AGBL1: variants seen among roughly 807,000 people sequenced by gnomAD.
AGBL1 encodes the protein cytosolic carboxypeptidase 4.
Under a neutral mutation model 118.9 loss-of-function variants are expected in AGBL1, and 130 were observed. The ratio of observed to expected loss-of-function variants is 1.09; its 90% CI spans 0.95 to 1.26. The LOEUF is 1.26. Ranked by LOEUF, AGBL1 falls within the 50% of genes most tolerant of loss-of-function variation. The pLI, the probability that AGBL1 is intolerant of heterozygous loss-of-function variation, is 0.00. For synonymous variants in AGBL1, 555 were observed against 478.9 expected (o/e 1.16, Z -2.08); for missense variants, 1,584 against 1,298.1 (o/e 1.22, Z -3.38).
In AGBL1 at chr15:86,319,743, GTTTTTTTTTTTTTTTTTTT is replaced by G. The variant is rs139831044; in HGVS notation, c.2374+24353_2374+24371del. Among the ~76,000 whole-genome samples the G allele has an allele frequency of 1.3e-3, 61 of 47,254 alleles. 1 individual carries two copies. The Admixed American group carries it at 0.016, about 12-fold the overall frequency. The allele number at this position is 47,254 out of a possible 152,430, so 31.0% of individuals were successfully genotyped here. Reference sequence around the variant, plus strand: ...TGTACTTTGTTTTGCCTCTTTGGTAGTTTTTTTTTTTTTTTTTTTTTTTTTTTTTTTTTTTTGAGATGGA... The same window carrying G: ...TGTACTTTGTTTTGCCTCTTTGGTAGTTTTTTTTTTTTTTTTTGAGATGGA... On this transcript the variant is annotated intron_variant, in intron 17 of 22. Transcript: ENST00000614907.
intron 22 of AGBL1, among the ~76,000 whole-genome samples, chr15:86,747,987 T>C (rs1285830617): frequency 6.6e-6 from 1 of 152,202 alleles, no homozygotes; most frequent in African/African-American, 2.4e-5. Context: ...CGTTTGGGTA[T>C]ATACCCAGTA....
intron 1 of AGBL1, among the ~76,000 whole-genome samples, chr15:86,101,404 GT>G (rs55650191): frequency 0.86 from 128,635 of 149,874 alleles, 55,196 homozygotes; most frequent in Non-Finnish European, 0.9. Flanking sequence ...AAATCCAATG[GT>G]TTTTTTTTTT....
intron 24 of AGBL1, among the ~76,000 whole-genome samples, chr15:87,019,292 C>T (rs1402594201): frequency 6.6e-6 from 1 of 152,120 alleles, no homozygotes; most frequent in African/African-American, 2.4e-5. Flanking sequence ...CTATAGAACT[C>T]TCCACCCAAA....
intron 17 of AGBL1, among the ~76,000 whole-genome samples, chr15:86,319,757 T>G (rs922529547): frequency 1.3e-5 from 1 of 77,236 alleles, no homozygotes; most frequent in South Asian, 4.6e-4. Flanking sequence ...TTTTTTTTTT[T>G]TTTTTTTTTT....
intron 17 of AGBL1, among the ~76,000 whole-genome samples, chr15:86,298,448 C>A (rs796377820): frequency 1.3e-5 from 2 of 150,200 alleles, no homozygotes; most frequent in African/African-American, 4.9e-5. Context: ...AAACCCAGCC[C>A]AGTATAAACA....
chr15:86,091,675 T>A (rs1896036464), intron 1 of AGBL1, among the ~76,000 whole-genome samples: 1 of 152,172 alleles, frequency 6.6e-6, no homozygotes, highest in Non-Finnish European at 1.5e-5. Flanking sequence ...AGCCACTTGA[T>A]CAGGTTTAAG....
chr15:86,226,813 C>T (rs1320636403), intron 6 of AGBL1, among the ~76,000 whole-genome samples: 1 of 152,176 alleles, frequency 6.6e-6, no homozygotes, highest in Non-Finnish European at 1.5e-5. Context: ...TCTCTGACTA[C>T]CACAACTTGG....
intron 5 of AGBL1, among the ~76,000 whole-genome samples, chr15:86,199,860 A>C (rs2077875438): frequency 6.6e-6 from 1 of 152,210 alleles, no homozygotes; most frequent in African/African-American, 2.4e-5. Context: ...TGAAAGTGAC[A>C]AAAAGTCACC....
At chr15:86,782,417 G>T (rs2078348678) in intron 22 of AGBL1, among the ~76,000 whole-genome samples, 1 of 152,138 alleles carries the variant, frequency 6.6e-6, no homozygotes, top group African/African-American at 2.4e-5. Flanking sequence ...CTCTACAGGA[G>T]AGACAGTAGG....
rs574748306 is a variant in AGBL1, at chr15:86,407,478, C to T, written c.2555+9932C>T. Reference sequence around the variant, plus strand: ...AGTGCCCAATATATGTCTTGTAAGTCTAGTTCTGAGTGTACCTAATCTTTC... The same window carrying T: ...AGTGCCCAATATATGTCTTGTAAGTTTAGTTCTGAGTGTACCTAATCTTTC... On this transcript the variant is annotated intron_variant, in intron 18 of 22. Coordinates refer to ENST00000614907, the MANE Select transcript of AGBL1 (RefSeq NM_001386094.1). Among the ~76,000 whole-genome samples the T allele has an allele frequency of 3.3e-5, 5 of 152,208 alleles. No individual in the cohort carries two copies. In the East Asian group the frequency reaches 9.7e-4, roughly 30 times the overall value.
chr15:86,358,391 T>TTA lies in AGBL1; in HGVS notation c.2375-38967_2375-38966dup, dbSNP rs1256052351. 2.0e-5 allele frequency among the ~76,000 whole-genome samples: 3 copies of TTA among 152,170 alleles called. No individual in the cohort carries two copies. In the East Asian group the frequency reaches 5.8e-4, roughly 29 times the overall value. The stretch of plus-strand genomic sequence containing the variant: ...CATTTTAAGGCTGAATAATATTCTC[T>TTA]TATATATATGTACACATTTTCTTTT... On this transcript the variant is annotated intron_variant, in intron 17 of 22. Coordinates refer to ENST00000614907, the MANE Select transcript of AGBL1 (RefSeq NM_001386094.1).
intron 22 of AGBL1, among the ~76,000 whole-genome samples, chr15:86,731,983 T>G (rs557274916): frequency 1.1e-4 from 16 of 152,330 alleles, no homozygotes; most frequent in African/African-American, 3.4e-4. Context: ...CTGCAGTCAC[T>G]CTGCTTTGTC....
At chr15:86,683,139 T>G (rs2085991410) in intron 22 of AGBL1, among the ~76,000 whole-genome samples, 1 of 151,972 alleles carries the variant, frequency 6.6e-6, no homozygotes, top group Admixed American at 6.6e-5. Flanking sequence ...AACTGACAGA[T>G]GGGGGGGCAT....
chr15:86,138,912 T>C (rs2076924202), intron 1 of AGBL1, among the ~76,000 whole-genome samples: 1 of 152,198 alleles, frequency 6.6e-6, no homozygotes, highest in Non-Finnish European at 1.5e-5. Context: ...TTTTCTTCTG[T>C]GAGCCATCTT....
intron 3 of AGBL1, among the ~76,000 whole-genome samples, chr15:86,151,011 G>A (rs1597461422): frequency 6.6e-6 from 1 of 152,222 alleles, no homozygotes; most frequent in East Asian, 1.9e-4. Flanking sequence ...TAGGGACATG[G>A]ATGAAATTGG....
intron 5 of AGBL1, among the ~76,000 whole-genome samples, chr15:86,187,696 G>A (rs1041212760): frequency 2.6e-5 from 4 of 152,110 alleles, no homozygotes; most frequent in African/African-American, 9.7e-5. Context: ...CCCTCAAGAG[G>A]CCTTCTCTAA....
chr15:86,245,807 T>C (rs2078710565), intron 6 of AGBL1, among the ~76,000 whole-genome samples: 1 of 152,258 alleles, frequency 6.6e-6, no homozygotes, highest in South Asian at 2.1e-4. Flanking sequence ...TGTTGCTCAC[T>C]ACCACGTAGA....
chr15:86,824,494 A>C (rs1024720550), intron 22 of AGBL1, among the ~76,000 whole-genome samples: 1 of 152,140 alleles, frequency 6.6e-6, no homozygotes, highest in African/African-American at 2.4e-5. Context: ...CTATATAGTA[A>C]AGATGATATT....
At chr15:86,592,500 C>G (rs1274347181) in intron 21 of AGBL1, among the ~76,000 whole-genome samples, 1 of 152,214 alleles carries the variant, frequency 6.6e-6, no homozygotes, top group Non-Finnish European at 1.5e-5. Flanking sequence ...TTCCATTTCT[C>G]TTCCCTTGAT....
Sources: gnomAD v4.1 joint callset for allele counts (sites outside exome capture counted in the v4.1 genomes callset) on GRCh38, gnomAD v4.1.1 for gene constraint, MANE v1.5 for transcripts, NCBI Gene and HGNC (gene_info 2026-07-23, HGNC 2026-07-21) for gene names.